The following CELSR3 variants were observed in gnomAD, a reference collection of about 807,000 sequenced individuals.
The protein encoded by CELSR3 is EGF-like protein 1.
In CELSR3, 73 loss-of-function variants were observed where a neutral mutation model predicts 270.0. That is an observed-to-expected ratio of 0.27 (90% CI 0.22 to 0.33). The LOEUF is 0.33. Among genes scored for constraint, CELSR3 ranks in the 10% least tolerant of loss-of-function variants. CELSR3 has a pLI of 1.00. For missense variants in CELSR3, 3,614 were observed against 4,533.8 expected, an observed-to-expected ratio of 0.80 and a Z score of 5.83; for synonymous variants, 1,780 against 1,905.4, an observed-to-expected ratio of 0.93 and a Z score of 1.71.
In CELSR3 at chr3:48,646,228, G is replaced by A. The variant is rs758171925; in HGVS notation, c.7325C>T (p.Pro2442Leu). 2.4e-5 allele frequency: 38 copies of A among 1,612,360 alleles called. No homozygotes were observed. Among genetic ancestry groups the A allele is most frequent in the Non-Finnish European group, 3.1e-5 (37 of 1,179,712 alleles). Reference protein sequence around the residue: ...RLPQNPVMNSPVVSVAVFHGR... With the variant: ...RLPQNPVMNSLVVSVAVFHGR... Reference sequence around the variant, plus strand: ...GTGGAACACAGCCACGCTGACCACCGGGGAGTTCATGACGGGGTTCTGAGG... The same window carrying A: ...GTGGAACACAGCCACGCTGACCACCAGGGAGTTCATGACGGGGTTCTGAGG... The change falls in exon 22 of 35, where the codon CCG (proline) becomes CTG (leucine). Residue 2442 changes from proline to leucine, a missense_variant. Pro to Leu is a moderately conservative substitution (Grantham distance 98). This residue lies in a region of CELSR3 where 1,240 missense variants were observed against 1,351.7 expected (regional missense o/e 0.92). Transcript: ENST00000164024. The surrounding 1 kb of genome is among the most constrained non-coding windows in gnomAD (Gnocchi z 4.8).
rs776029266 is a variant in CELSR3, at chr3:48,651,013, G to C, written c.6249C>G (p.Gly2083=). 1 of 1,605,234 alleles carries C rather than the reference G, an allele frequency of 6.2e-7. No individual in the cohort carries two copies. Among genetic ancestry groups the C allele is most frequent in the Admixed American group, 1.7e-5 (1 of 58,538 alleles). ...GGGGTGCACATGAGCGCGAGGTGGA[G>C]CCCACAGGGTAGCAGTCACATGGGA... ...SCLPCDCYPV[G]STSRSCAPHS... is the part of the protein sequence containing the mutation. Residue 2083 remains glycine (G), a synonymous_variant, in exon 15 of 35, where the codon GGC becomes GGG. Transcript: ENST00000164024. This position sits in a 1 kb window ranked among gnomAD's most constrained non-coding sequence, Gnocchi z 7.4.
intron 27 of CELSR3, 84 bp from the exon 28 acceptor site, chr3:48,643,761 G>A (rs1296614635): frequency 4.1e-6 from 6 of 1,466,266 alleles, no homozygotes; most frequent in Non-Finnish European, 5.5e-6. Context: ...GACACACAGG[G>A]GCCACACACG....
Position 48,658,858 on chromosome 3 carries a change from G to A in CELSR3, c.3748+29C>T. Reference sequence around the variant, plus strand: ...TGAGGCCCAACAGGTTGGTGTCACTGGGTCACTTGCCTGCCCCCTGCCCCT... The same window carrying A: ...TGAGGCCCAACAGGTTGGTGTCACTAGGTCACTTGCCTGCCCCCTGCCCCT... On this transcript the variant is annotated intron_variant, in intron 1 of 34. Coordinates refer to ENST00000164024, the MANE Select transcript of CELSR3 (RefSeq NM_001407.3). This position sits in a 1 kb window ranked among gnomAD's most constrained non-coding sequence, Gnocchi z 4.7. The A allele has an allele frequency of 1.2e-6, 2 of 1,602,140 alleles. No homozygotes were observed. Among genetic ancestry groups the A allele is most frequent in the Non-Finnish European group, 1.7e-6 (2 of 1,172,602 alleles).
At position 48,653,986 on chromosome 3, in the gene CELSR3, G is replaced by C. The variant is rs1011685378; in HGVS notation, c.5170C>G (p.His1724Asp). The C allele has an allele frequency of 6.2e-7, 1 of 1,613,024 alleles. No homozygotes were observed. Residue 1724 changes from histidine to aspartate, a missense_variant, in exon 8 of 35, where the codon CAC becomes GAC. Physicochemically the swap from His to Asp is moderately conservative, Grantham distance 81. Around this residue, in one of 7 missense-constraint regions of CELSR3, gnomAD observed 1,331 missense variants for 1,933.7 expected, o/e 0.69. Transcript: ENST00000164024. The surrounding 1 kb of genome is among the most constrained non-coding windows in gnomAD (Gnocchi z 6.5). ...TTGCAGGGGCCTGAGTCACAAAAGT[G>C]TAGCTTGGCTTGGCAGCCTGGGAGA... ...GTMAGCQAKL[H>D]FCDSGPCKNS...
chr3:48,661,838 C>T lies in CELSR3; in HGVS notation c.797G>A (p.Arg266Gln). The T allele has an allele frequency of 6.2e-7, 1 of 1,610,156 alleles. No individual in the cohort carries two copies. Among genetic ancestry groups the T allele is most frequent in the Non-Finnish European group, 8.5e-7 (1 of 1,179,612 alleles). Residue 266 changes from arginine (R) to glutamine (Q), a missense_variant, in exon 1 of 35, where the codon CGG becomes CAG. Physicochemically the swap from Arg to Gln is conservative, Grantham distance 43. This residue lies in a region of CELSR3 where 470 missense variants were observed against 469.7 expected (regional missense o/e 1.00). Coordinates refer to ENST00000164024, the MANE Select transcript of CELSR3 (RefSeq NM_001407.3). ...PASGSAPRES[R>Q]TAPEPAPKRM... ...CTTGGGCGCCGGCTCGGGAGCTGTC[C>T]GAGACTCGCGGGGTGCTGAACCTGA...
In CELSR3 at chr3:48,644,787, C is replaced by T. The variant is rs1229568725; in HGVS notation, c.8014G>A (p.Asp2672Asn). Residue 2672 changes from aspartate to asparagine, a missense_variant, in exon 26 of 35, where the codon GAC (aspartate) becomes AAC (asparagine). This residue lies in a region of CELSR3 where 1,240 missense variants were observed against 1,351.7 expected (regional missense o/e 0.92). Coordinates refer to ENST00000164024, the MANE Select transcript of CELSR3 (RefSeq NM_001407.3). This position sits in a 1 kb window ranked among gnomAD's most constrained non-coding sequence, Gnocchi z 4.8. The part of the protein sequence containing the change: ...GLDPEGYGNP[D>N]FCWISVHEPL... ...TCGTGGACTGAGATCCAGCAGAAGT[C>T]AGGGTTCCCATAGCCCTCAGGGTCC... The T allele has an allele frequency of 1.2e-6, 2 of 1,613,512 alleles. No homozygotes were observed. The highest frequency in any genetic ancestry group is 1.1e-5 in the South Asian group (1 of 91,080).
rs757628504 is a variant in CELSR3 at position 48,644,334 on chromosome 3, G to C, written c.8086-39C>G. 3.9e-6 allele frequency: 1 copy of C among 259,538 alleles called. No homozygotes were observed. The highest frequency in any genetic ancestry group is 1.3e-4 in the South Asian group (1 of 7,746). The allele number at this position is 259,538 out of a possible 1,614,324, so 16.1% of individuals were successfully genotyped here. On this transcript the variant is annotated intron_variant, in intron 26 of 34. Transcript: ENST00000164024. This position sits in a 1 kb window ranked among gnomAD's most constrained non-coding sequence, Gnocchi z 4.8. ...CAGACATGTGGGGCCGGGCAGGGCA[G>C]AGAGAGAGAGAGAGAGAGAGGCAAT...
At position 48,655,409 on chromosome 3, in the gene CELSR3, C is replaced by A. The variant is rs1297174269; in HGVS notation, c.4742-15G>T. On this transcript the variant is annotated splice_polypyrimidine_tract_variant and intron_variant, in intron 4 of 34. Coordinates refer to ENST00000164024, the MANE Select transcript of CELSR3 (RefSeq NM_001407.3). The surrounding 1 kb of genome is among the most constrained non-coding windows in gnomAD (Gnocchi z 5.8). ...GTTGGATTCACCTGGAGGGGAGATGCATGTGGAATCATCAGGAGCAGCGGA... is the reference window on the plus strand; with the variant it reads ...GTTGGATTCACCTGGAGGGGAGATGAATGTGGAATCATCAGGAGCAGCGGA... The A allele has an allele frequency of 1.2e-6, 2 of 1,613,386 alleles. No individual in the cohort carries two copies. The highest frequency in any genetic ancestry group is 1.1e-5 in the South Asian group (1 of 91,070).
In CELSR3 at chr3:48,656,742, C is replaced by G; in HGVS notation, c.4355G>C (p.Arg1452Pro). The G allele has an allele frequency of 2.0e-6, 3 of 1,530,360 alleles. No individual in the cohort carries two copies. Among genetic ancestry groups the G allele is most frequent in the Non-Finnish European group, 2.6e-6 (3 of 1,141,220 alleles). The allele number at this position is 1,530,360 out of a possible 1,614,324, so 94.8% of individuals were successfully genotyped here. Residue 1452 changes from arginine to proline, a missense_variant, in exon 2 of 35, where the codon CGG becomes CCG. Coordinates refer to ENST00000164024, the MANE Select transcript of CELSR3 (RefSeq NM_001407.3). The part of the protein sequence containing the change: ...NPCRNGGACA[R>P]REGGYTCVCR... ...GACGCACGTGTAGCCTCCCTCGCGC[C>G]GCGCGCAGGCTCCGCCGTTGCGACA...
Position 48,653,164 on chromosome 3 carries a change from C to T in CELSR3, c.5472G>A (p.Val1824=), listed in dbSNP as rs769256230. The T allele has an allele frequency of 1.2e-6, 2 of 1,613,292 alleles. No homozygotes were observed. Among genetic ancestry groups the T allele is most frequent in the South Asian group, 1.1e-5 (1 of 91,076 alleles). Residue 1824 remains valine, a synonymous_variant, in exon 10 of 35, where the codon GTG becomes GTA. Transcript: ENST00000164024. This position sits in a 1 kb window ranked among gnomAD's most constrained non-coding sequence, Gnocchi z 6.5. ...CACGGCCCGAGCCCCTGGTCACTGTCACAGACAGTAACCCCCGATCTAGCT... is the reference window on the plus strand; with the variant it reads ...CACGGCCCGAGCCCCTGGTCACTGTTACAGACAGTAACCCCCGATCTAGCT... ...LCQLDRGLLS[V]TVTRGSGRAS...
Position 48,640,782 on chromosome 3 carries a change from AG to A in CELSR3, c.9026-224del, listed in dbSNP as rs2047019074. ...CATCTTCCAGTTGTGGTCCCGGGGC[AG>A]GGGGAGGGCGGGCAGGTCTCATGGT... is the stretch of plus-strand genomic sequence containing the variant. On this transcript the variant is annotated intron_variant, in intron 33 of 34. Coordinates refer to ENST00000164024, the MANE Select transcript of CELSR3 (RefSeq NM_001407.3). The surrounding 1 kb of genome is among the most constrained non-coding windows in gnomAD (Gnocchi z 7.5). 3 of 283,176 alleles carry A rather than the reference AG, an allele frequency of 1.1e-5. No individual in the cohort carries two copies. In the Admixed American group the frequency reaches 1.5e-4, roughly 14 times the overall value. The allele number at this position is 283,176 out of a possible 1,614,324, so 17.5% of individuals were successfully genotyped here.
In CELSR3 at chr3:48,641,986, C is replaced by T. The variant is rs951779973; in HGVS notation, c.8689G>A (p.Asp2897Asn). Residue 2897 changes from aspartate (D) to asparagine (N), a missense_variant, in exon 32 of 35, where the codon GAC (aspartate) becomes AAC (asparagine). By Grantham distance (23) the Asp-to-Asn change is conservative (BLOSUM62 1). Around this residue, in one of 7 missense-constraint regions of CELSR3, gnomAD observed 1,240 missense variants for 1,351.7 expected, o/e 0.92. Transcript: ENST00000164024. This position sits in a 1 kb window ranked among gnomAD's most constrained non-coding sequence, Gnocchi z 4.8. ...DAGADSDSDS[D>N]LSLEEERSLS... ...CTCCTCTCCTCCTCCAAGGACAGGTCACTGTCAGAGTCGGAGTCTGCGCCT... is the reference window on the plus strand; with the variant it reads ...CTCCTCTCCTCCTCCAAGGACAGGTTACTGTCAGAGTCGGAGTCTGCGCCT... 1.3e-6 allele frequency: 2 copies of T among 1,561,722 alleles called. No individual in the cohort carries two copies. Among genetic ancestry groups the T allele is most frequent in the Admixed American group, 4.1e-5 (2 of 48,558 alleles).
At chr3:48,648,242 C>CCCCCCACCCCCCCCCCAA in intron 19 of CELSR3, 24 bp downstream of exon 19, 1 of 1,353,376 alleles carries the variant, frequency 7.4e-7, no homozygotes, top group East Asian at 2.3e-5. Context: ...TGCTGTGCCC[C>CCCCCCACCCCCCCCCCAA]GCCCTACCCC....
Position 48,645,202 on chromosome 3 carries a change from C to A in CELSR3, c.7805G>T (p.Cys2602Phe). The A allele has an allele frequency of 6.4e-7, 1 of 1,574,280 alleles. No individual in the cohort carries two copies. The highest frequency in any genetic ancestry group is 8.7e-7 in the Non-Finnish European group (1 of 1,153,512). ...GIHRTHNQLV[C>F]TAVAILLHYF... Reference sequence around the variant, plus strand: ...GTGCAGGAGGATGGCGACTGCAGTGCACACCAGCTGAGGGCAGGGGGGCGT... The same window carrying A: ...GTGCAGGAGGATGGCGACTGCAGTGAACACCAGCTGAGGGCAGGGGGGCGT... Residue 2602 changes from cysteine to phenylalanine, a missense_variant, in exon 25 of 35, where the codon TGC (cysteine) becomes TTC (phenylalanine). Around this residue, in one of 7 missense-constraint regions of CELSR3, gnomAD observed 1,240 missense variants for 1,351.7 expected, o/e 0.92. Transcript: ENST00000164024. This position sits in a 1 kb window ranked among gnomAD's most constrained non-coding sequence, Gnocchi z 5.4.
Position 48,654,539 on chromosome 3 carries a change from C to T in CELSR3, c.4989-87G>A. ...GGCCACAGGAAGCAGGGGGGTAGGACCCAGAGGGTAGGGTGATTGAGGGAG... is the reference window on the plus strand; with the variant it reads ...GGCCACAGGAAGCAGGGGGGTAGGATCCAGAGGGTAGGGTGATTGAGGGAG... On this transcript the variant is annotated intron_variant, in intron 6 of 34. Coordinates refer to ENST00000164024, the MANE Select transcript of CELSR3 (RefSeq NM_001407.3). This position sits in a 1 kb window ranked among gnomAD's most constrained non-coding sequence, Gnocchi z 5.4. The T allele has an allele frequency of 1.7e-6, 2 of 1,158,864 alleles. No individual in the cohort carries two copies. Among genetic ancestry groups the T allele is most frequent in the East Asian group, 2.5e-5 (1 of 40,730 alleles). 71.8% of individuals were successfully genotyped at this position (1,158,864 alleles called of 1,614,324 possible).
chr3:48,654,046 G>C lies in CELSR3; in HGVS notation c.5153-43C>G, dbSNP rs1268314381. The C allele has an allele frequency of 1.9e-6, 3 of 1,601,966 alleles. No individual in the cohort carries two copies. The highest frequency in any genetic ancestry group is 3.3e-5 in the Admixed American group (2 of 59,770). ...ATGGCGGACATGAGAACAAGGGTTG[G>C]GGGGCACAAGTGCTGGACAGGACTT... is the stretch of plus-strand genomic sequence containing the variant. On this transcript the variant is annotated intron_variant, in intron 7 of 34. Transcript: ENST00000164024. This position sits in a 1 kb window ranked among gnomAD's most constrained non-coding sequence, Gnocchi z 5.4.
At position 48,641,940 on chromosome 3, in the gene CELSR3, T is replaced by C. The variant is rs762781631; in HGVS notation, c.8735A>G (p.Glu2912Gly). Residue 2912 changes from glutamate to glycine, a missense_variant, in exon 32 of 35, where the codon GAA (glutamate) becomes GGA (glycine). This residue lies in a region of CELSR3 where 1,240 missense variants were observed against 1,351.7 expected (regional missense o/e 0.92). Coordinates refer to ENST00000164024, the MANE Select transcript of CELSR3 (RefSeq NM_001407.3). This position sits in a 1 kb window ranked among gnomAD's most constrained non-coding sequence, Gnocchi z 4.8. ...EERSLSIPSS[E>G]SEDNGRTRGR... ...CCGCGTCCGGCCATTGTCCTCGCTTTCTGAAGATGGAATGGAGAGACTCCT... is the reference window on the plus strand; with the variant it reads ...CCGCGTCCGGCCATTGTCCTCGCTTCCTGAAGATGGAATGGAGAGACTCCT... The C allele has an allele frequency of 3.7e-6, 6 of 1,603,568 alleles. No individual in the cohort carries two copies. The highest frequency in any genetic ancestry group is 5.1e-6 in the Non-Finnish European group (6 of 1,176,038).
chr3:48,655,117 C>G lies in CELSR3; in HGVS notation c.4915G>C (p.Val1639Leu), dbSNP rs146177587. 84 of 1,613,838 alleles carry G rather than the reference C, an allele frequency of 5.2e-5. No individual in the cohort carries two copies. Among genetic ancestry groups the G allele is most frequent in the Non-Finnish European group, 6.8e-5 (80 of 1,179,958 alleles). The stretch of plus-strand genomic sequence containing the variant: ...ATCTCAGCACCAAACTGCAGAGCCA[C>G]GGCCACATCACAATCATCCACGCTT... Reference protein sequence around the residue: ...VLSVDDCDVAVALQFGAEIGN... With the variant: ...VLSVDDCDVALALQFGAEIGN... The change falls in exon 6 of 35, where the codon GTG becomes CTG. Residue 1639 changes from valine to leucine, a missense_variant. This residue lies in a region of CELSR3 where 1,331 missense variants were observed against 1,933.7 expected (regional missense o/e 0.69). Coordinates refer to ENST00000164024, the MANE Select transcript of CELSR3 (RefSeq NM_001407.3). This position sits in a 1 kb window ranked among gnomAD's most constrained non-coding sequence, Gnocchi z 5.8.
Position 48,654,893 on chromosome 3 carries a change from G to T in CELSR3, c.4988+151C>A. The stretch of plus-strand genomic sequence containing the variant: ...CAGGATTGGGGGCTAGGGTGAGTAG[G>T]CTTTCAGGGTCTTTGAGAGGAGAGG... On this transcript the variant is annotated intron_variant, in intron 6 of 34. Transcript: ENST00000164024. This position sits in a 1 kb window ranked among gnomAD's most constrained non-coding sequence, Gnocchi z 5.4. The T allele has an allele frequency of 1.3e-6, 1 of 788,094 alleles. No homozygotes were observed. Among genetic ancestry groups the T allele is most frequent in the Non-Finnish European group, 2.1e-6 (1 of 474,996 alleles). The allele number at this position is 788,094 out of a possible 1,614,324, so 48.8% of individuals were successfully genotyped here.
Sources: allele counts gnomAD v4.1 joint callset, GRCh38; gene constraint gnomAD v4.1.1; regional missense constraint gnomAD v4.1.1; non-coding constraint Gnocchi (gnomAD v3.1); transcripts MANE v1.5; gene names NCBI Gene and HGNC (gene_info 2026-07-23, HGNC 2026-07-21).